LDLRAD4: variants seen among roughly 807,000 people sequenced by gnomAD.
LDLRAD4 encodes the protein low-density lipoprotein receptor class A domain-containing protein 4.
A neutral mutation model predicts 17.0 loss-of-function variants in LDLRAD4; 5 were observed. That is an observed-to-expected ratio of 0.29 (90% confidence interval 0.15 to 0.62). LDLRAD4 has a LOEUF of 0.62. Ranked by LOEUF, LDLRAD4 falls within the 20% of genes least tolerant of loss-of-function variation. The probability of loss-of-function intolerance (pLI) is 0.84; values close to 1 mark genes in which losing one functional copy is unlikely to be tolerated. For missense variants in LDLRAD4, 340 were observed against 424.7 expected, an observed-to-expected ratio of 0.80 and a Z score of 1.75; for synonymous variants, 168 against 171.8, an observed-to-expected ratio of 0.98 and a Z score of 0.17.
chr18:13,567,014 G>A (rs2094611846), intron 3 of LDLRAD4, among the ~76,000 whole-genome samples: 1 of 152,220 alleles, frequency 6.6e-6, no homozygotes, highest in Non-Finnish European at 1.5e-5. Context: ...CACACAGCGT[G>A]TGTGAAAGAG....
At chr18:13,219,514 T>C (rs1020808636) in intron 1 of LDLRAD4, among the ~76,000 whole-genome samples, 3 of 152,122 alleles carry the variant, frequency 2.0e-5, no homozygotes, top group African/African-American at 4.8e-5. Context: ...GCAATACATA[T>C]TTATTGAGGG....
chr18:13,280,217 G>A (rs753084686), intron 1 of LDLRAD4: 13 of 152,226 alleles, frequency 8.5e-5, no homozygotes, highest in Non-Finnish European at 1.2e-4. Context: ...GCCATATGGC[G>A]TTTGTGTGGG....
intron 3 of LDLRAD4, among the ~76,000 whole-genome samples, chr18:13,466,105 G>A (rs1477451518): frequency 6.6e-6 from 1 of 152,110 alleles, no homozygotes; most frequent in South Asian, 2.1e-4. Flanking sequence ...GGTGCTCCGA[G>A]CATAATTTTC....
At chr18:13,468,087 C>A (rs948831152) in intron 3 of LDLRAD4, among the ~76,000 whole-genome samples, 1 of 151,906 alleles carries the variant, frequency 6.6e-6, no homozygotes, top group African/African-American at 2.4e-5. Context: ...GCAGTGGATT[C>A]TTAGCTATAA....
chr18:13,342,801 T>C (rs1273001069), intron 1 of LDLRAD4, among the ~76,000 whole-genome samples: 1 of 152,018 alleles, frequency 6.6e-6, no homozygotes, highest in Non-Finnish European at 1.5e-5. Flanking sequence ...TATTCCATTC[T>C]ACCAACCTAC....
exon 6 of LDLRAD4, chr18:13,651,134 A>G (rs2043229299): frequency 6.6e-6 from 1 of 152,240 alleles, no homozygotes; most frequent in Admixed American, 6.5e-5. Context: ...CTGCTGTAGC[A>G]TCACGAAGGT....
At position 13,368,237 on chromosome 18, in the gene LDLRAD4, C is replaced by T. The variant is rs543296125; in HGVS notation, c.-382-19104C>T. On this transcript the variant is annotated intron_variant, in intron 1 of 5. Transcript: ENST00000359446. ...TGGAAGCCAAGTTTCTAGAGGGAGC[C>T]GACAAGAAGCTGAGTGTGGGACTTT... 2.1e-4 allele frequency among the ~76,000 whole-genome samples: 32 copies of T among 152,034 alleles called. No homozygotes were observed. The East Asian group carries it at 3.9e-3, about 18-fold the overall frequency.
chr18:13,590,557 A>C (rs546900536), intron 3 of LDLRAD4, among the ~76,000 whole-genome samples: 59 of 152,210 alleles, frequency 3.9e-4, no homozygotes, highest in Non-Finnish European at 7.2e-4. Context: ...TGTCCAACAC[A>C]GTCCTCACTG....
At chr18:13,617,517 AAG>A (rs2040205227) in intron 3 of LDLRAD4, among the ~76,000 whole-genome samples, 1 of 152,248 alleles carries the variant, frequency 6.6e-6, no homozygotes, top group South Asian at 2.1e-4. Context: ...ATAAAGGAAA[AAG>A]AGAGTATTTG....
intron 3 of LDLRAD4, among the ~76,000 whole-genome samples, chr18:13,589,429 G>A (rs776931150): frequency 4.6e-5 from 7 of 152,206 alleles, no homozygotes; most frequent in Non-Finnish European, 8.8e-5. Context: ...AATCCTCCGT[G>A]GAGACCCAGG....
At chr18:13,634,663 A>C (rs1416902351) in intron 4 of LDLRAD4, among the ~76,000 whole-genome samples, 2 of 152,112 alleles carry the variant, frequency 1.3e-5, no homozygotes, top group Non-Finnish European at 1.5e-5. Context: ...TACAGACTTC[A>C]GTGTAATCGC....
intron 1 of LDLRAD4, among the ~76,000 whole-genome samples, chr18:13,358,062 C>T (rs1306114744): frequency 1.3e-5 from 2 of 152,026 alleles, no homozygotes; most frequent in African/African-American, 2.4e-5. Flanking sequence ...TTGGGTATGA[C>T]AAGATCATAC....
intron 1 of LDLRAD4, among the ~76,000 whole-genome samples, chr18:13,322,947 C>T (rs2081334346): frequency 6.6e-6 from 1 of 152,108 alleles, no homozygotes; most frequent in Non-Finnish European, 1.5e-5. Context: ...TTTTTGTACT[C>T]GGCTGTACCC....
chr18:13,349,096 G>A (rs960594415), intron 1 of LDLRAD4, among the ~76,000 whole-genome samples: 1 of 152,324 alleles, frequency 6.6e-6, no homozygotes, highest in Non-Finnish European at 1.5e-5. Flanking sequence ...CCCACTGTCC[G>A]ACAATCCCCA....
upstream of LDLRAD4, among the ~76,000 whole-genome samples, chr18:13,274,713 A>T (rs188327879): frequency 2.1e-3 from 324 of 152,344 alleles, no homozygotes; most frequent in Non-Finnish European, 3.4e-3. Flanking sequence ...TATTGATTTA[A>T]ATATTTTCAA....
intron 3 of LDLRAD4, chr18:13,514,923 G>A (rs1601003347): frequency 6.6e-6 from 1 of 152,268 alleles, no homozygotes; most frequent in East Asian, 1.9e-4. Context: ...TCAAGCCCTG[G>A]ACTGTAACAT....
chr18:13,451,139 T>C (rs2091809063), intron 3 of LDLRAD4, among the ~76,000 whole-genome samples: 1 of 152,126 alleles, frequency 6.6e-6, no homozygotes, highest in Admixed American at 6.5e-5. Flanking sequence ...ACAAAAATAG[T>C]CTTTGGCAGA....
intron 4 of LDLRAD4, chr18:13,641,701 G>A: frequency 3.1e-6 from 3 of 966,302 alleles, no homozygotes; most frequent in Non-Finnish European, 3.7e-6. Context: ...CGGGCTGGCG[G>A]GGCCGCCAGT....
intron 1 of LDLRAD4, among the ~76,000 whole-genome samples, chr18:13,347,452 G>A (rs566729640): frequency 6.6e-6 from 1 of 152,298 alleles, no homozygotes; most frequent in Non-Finnish European, 1.5e-5. Context: ...CTGTTAGTCT[G>A]ATGGGCTTCC....
Sources: allele counts gnomAD v4.1 joint callset (sites outside exome capture counted in the v4.1 genomes callset), GRCh38; gene constraint gnomAD v4.1.1; transcripts MANE v1.5; gene names NCBI Gene and HGNC (gene_info 2026-07-23, HGNC 2026-07-21).